PARD3B: variants seen among roughly 807,000 people sequenced by gnomAD.
The protein encoded by PARD3B is partitioning defective 3 homolog B.
A neutral mutation model predicts 130.2 loss-of-function variants in PARD3B; 103 were observed. The ratio of observed to expected loss-of-function variants is 0.79; its 90% CI spans 0.67 to 0.93. The LOEUF is 0.93. Among genes scored for constraint, PARD3B ranks in the 40% least tolerant of loss-of-function variants. The pLI, the probability that PARD3B is intolerant of heterozygous loss-of-function variation, is 0.00. For synonymous variants in PARD3B, 583 were observed against 553.2 expected, an observed-to-expected ratio of 1.05 and a Z score of -0.76; for missense variants, 1,609 against 1,499.2, an observed-to-expected ratio of 1.07 and a Z score of -1.21.
At chr2:204,665,486 C>T (rs556747003) in intron 1 of PARD3B, among the ~76,000 whole-genome samples, 2 of 152,232 alleles carry the variant, frequency 1.3e-5, no homozygotes, top group African/African-American at 4.8e-5. Flanking sequence ...TGAAAAATTC[C>T]AGCCATTCCA....
At chr2:204,790,228 C>T (rs2042154244) in intron 2 of PARD3B, among the ~76,000 whole-genome samples, 1 of 152,158 alleles carries the variant, frequency 6.6e-6, no homozygotes, top group African/African-American at 2.4e-5. Flanking sequence ...TTGCATTTTT[C>T]TACCAGCTCT....
At chr2:204,997,083 A>G (rs1013682089) in intron 3 of PARD3B, among the ~76,000 whole-genome samples, 1 of 152,064 alleles carries the variant, frequency 6.6e-6, no homozygotes, top group Non-Finnish European at 1.5e-5. Context: ...AGCTGTTCCT[A>G]TTCGGCCATC....
intron 18 of PARD3B, among the ~76,000 whole-genome samples, chr2:205,315,250 C>A (rs925981944): frequency 3.9e-5 from 6 of 152,168 alleles, no homozygotes; most frequent in African/African-American, 1.4e-4. Flanking sequence ...AGCTGTTAGT[C>A]TTTCATCTTA....
intron 1 of PARD3B, among the ~76,000 whole-genome samples, chr2:204,614,013 T>G: frequency 6.6e-6 from 1 of 152,230 alleles, no homozygotes. Flanking sequence ...CTGTGTCTTG[T>G]TGGGCCCCTT....
chr2:204,932,894 C>T (rs1258897758), intron 2 of PARD3B, among the ~76,000 whole-genome samples: 1 of 152,120 alleles, frequency 6.6e-6, no homozygotes, highest in Non-Finnish European at 1.5e-5. Context: ...GTGGTAACCC[C>T]AGGGTAATGC....
At chr2:205,329,994 AAAAT>A (rs199881710) in intron 18 of PARD3B, among the ~76,000 whole-genome samples, 173 of 63,074 alleles carry the variant, frequency 2.7e-3, no homozygotes, top group Middle Eastern at 8.9e-3. Flanking sequence ...ACGCCGTCTC[AAAAT>A]AAATAAATAA....
chr2:205,039,157 T>C (rs1698215360), intron 3 of PARD3B, among the ~76,000 whole-genome samples: 1 of 152,088 alleles, frequency 6.6e-6, no homozygotes, highest in African/African-American at 2.4e-5. Flanking sequence ...GCCCATAAAA[T>C]CTATACAAAA....
chr2:204,771,987 C>G (rs2041407288), intron 2 of PARD3B, among the ~76,000 whole-genome samples: 1 of 152,002 alleles, frequency 6.6e-6, no homozygotes, highest in Non-Finnish European at 1.5e-5. Flanking sequence ...TGAATAGTTT[C>G]AAATCCTAAG....
At chr2:204,998,838 C>T (rs996146593) in intron 3 of PARD3B, among the ~76,000 whole-genome samples, 1 of 152,006 alleles carries the variant, frequency 6.6e-6, no homozygotes, top group Non-Finnish European at 1.5e-5. Context: ...CTCAGCCTCC[C>T]GAGTAGCTGG....
At chr2:205,448,395 T>G (rs1238917965) in intron 20 of PARD3B, among the ~76,000 whole-genome samples, 1 of 152,240 alleles carries the variant, frequency 6.6e-6, no homozygotes, top group Non-Finnish European at 1.5e-5. Context: ...TTGCACTTTT[T>G]AACTAAATGT....
chr2:205,169,086 C>T (rs1254980435), intron 11 of PARD3B, among the ~76,000 whole-genome samples: 2 of 152,174 alleles, frequency 1.3e-5, no homozygotes, highest in Non-Finnish European at 2.9e-5. Flanking sequence ...CCTTCCAGCT[C>T]TAAATTCAGT....
At chr2:205,547,668 C>A (rs2052435338) in intron 21 of PARD3B, among the ~76,000 whole-genome samples, 1 of 152,104 alleles carries the variant, frequency 6.6e-6, no homozygotes, top group East Asian at 1.9e-4. Flanking sequence ...TCTCCTGCCA[C>A]CAATTCTAAG....
At position 204,677,810 on chromosome 2, in the gene PARD3B, T is replaced by C. The variant is rs1272764214; in HGVS notation, c.121-8371T>C. Among the ~76,000 whole-genome samples, 1 of 152,220 alleles carries C rather than the reference T, an allele frequency of 6.6e-6. No homozygotes were observed. Among genetic ancestry groups the C allele is most frequent in the African/African-American group, 2.4e-5 (1 of 41,456 alleles). ...GTAGTCAGTTAGCTACATGTTCTAT[T>C]GGTAGGATAACCTGGCCTTCCCATC... On this transcript the variant is annotated intron_variant, in intron 1 of 22. Coordinates refer to ENST00000406610, the MANE Select transcript of PARD3B (RefSeq NM_001302769.2). This position sits in a 1 kb window ranked among gnomAD's most constrained non-coding sequence, Gnocchi z 4.1.
intron 1 of PARD3B, among the ~76,000 whole-genome samples, chr2:204,601,159 TTTCA>T (rs1335153393): frequency 6.6e-6 from 1 of 151,980 alleles, no homozygotes; most frequent in African/African-American, 2.4e-5. Context: ...TTGATAATTG[TTTCA>T]TCATTTCAGA....
At chr2:205,289,766 G>C (rs1441023921) in intron 16 of PARD3B, among the ~76,000 whole-genome samples, 1 of 152,146 alleles carries the variant, frequency 6.6e-6, no homozygotes, top group East Asian at 1.9e-4. Context: ...TTGAGGGAGT[G>C]AGTTAGTAAT....
chr2:205,069,529 T>C lies in PARD3B; in HGVS notation c.504+21839T>C, dbSNP rs572678361. Among the ~76,000 whole-genome samples the C allele has an allele frequency of 3.3e-4, 50 of 152,294 alleles. 1 individual carries two copies. Among genetic ancestry groups the C allele is most frequent in the African/African-American group, 1.1e-3 (47 of 41,568 alleles). On this transcript the variant is annotated intron_variant, in intron 4 of 22. Coordinates refer to ENST00000406610, the MANE Select transcript of PARD3B (RefSeq NM_001302769.2). ...CTCTTTGTTTCAAATCTACAAATGT[T>C]ACTTGTATTCTTTGCTCATTATTCA... is the stretch of plus-strand genomic sequence containing the variant.
intron 21 of PARD3B, among the ~76,000 whole-genome samples, chr2:205,508,495 C>T (rs1040388675): frequency 6.6e-6 from 1 of 151,558 alleles, no homozygotes; most frequent in Non-Finnish European, 1.5e-5. Flanking sequence ...CTGCTTGAGT[C>T]CAGGAGGTCA....
intron 1 of PARD3B, among the ~76,000 whole-genome samples, chr2:204,681,578 C>G (rs1274621137): frequency 6.6e-6 from 1 of 152,200 alleles, no homozygotes; most frequent in African/African-American, 2.4e-5. Flanking sequence ...TCATCACTGC[C>G]TTTTCTGGCT....
rs563261070 is a variant in PARD3B, at chr2:205,138,738, G to A, written c.1434+13001G>A. On this transcript the variant is annotated intron_variant, in intron 10 of 22. Transcript: ENST00000406610. ...CTGTATATATGAATGGGAATGGGCT[G>A]CATGAATTCTCTTCTTAGTGTTTGT... Among the ~76,000 whole-genome samples the A allele has an allele frequency of 5.3e-5, 8 of 152,328 alleles. No individual in the cohort carries two copies. The East Asian group carries it at 1.2e-3, about 22-fold the overall frequency.
Sources: allele counts gnomAD v4.1 joint callset (sites outside exome capture counted in the v4.1 genomes callset), GRCh38; gene constraint gnomAD v4.1.1; non-coding constraint Gnocchi (gnomAD v3.1); transcripts MANE v1.5; gene names NCBI Gene and HGNC (gene_info 2026-07-23, HGNC 2026-07-21).